ZFYVE1: variants seen among roughly 807,000 people sequenced by gnomAD.
ZFYVE1 encodes zinc finger FYVE-type containing 1.
A neutral mutation model predicts 74.4 loss-of-function variants in ZFYVE1; 30 were observed. That is an observed-to-expected ratio of 0.40 (90% CI 0.30 to 0.55). The LOEUF (loss-of-function observed/expected upper bound fraction) is 0.55, where lower values mean the gene tolerates loss of function less well. Among genes scored for constraint, ZFYVE1 ranks in the 20% least tolerant of loss-of-function variants. The pLI is 0.42. For synonymous variants in ZFYVE1, 335 were observed against 385.1 expected (o/e 0.87, Z 1.52); for missense variants, 703 against 1,011.6 (o/e 0.69, Z 4.14).
chr14:73,001,178 GTT>G (rs753719695), intron 2 of ZFYVE1, among the ~76,000 whole-genome samples: 1 of 151,880 alleles, frequency 6.6e-6, no homozygotes, highest in African/African-American at 2.4e-5. Context: ...AGTATTGGTT[GTT>G]TTTTTCTTTT....
chr14:73,020,907 T>A (rs1894305427), intron 2 of ZFYVE1, among the ~76,000 whole-genome samples: 1 of 152,132 alleles, frequency 6.6e-6, no homozygotes, highest in African/African-American at 2.4e-5. Context: ...CTACTTTTTT[T>A]ATTTTCATTA....
chr14:73,006,039 A>G (rs1323460239), intron 2 of ZFYVE1, among the ~76,000 whole-genome samples: 1 of 151,860 alleles, frequency 6.6e-6, no homozygotes, highest in Non-Finnish European at 1.5e-5. Flanking sequence ...CTCCTGCCTC[A>G]GCCTTTGGAG....
chr14:72,987,735 G>T (rs1165383421), intron 4 of ZFYVE1, among the ~76,000 whole-genome samples: 1 of 152,202 alleles, frequency 6.6e-6, no homozygotes, highest in African/African-American at 2.4e-5. Flanking sequence ...CTGCAAGCAG[G>T]TTTATCTGCT....
chr14:72,992,256 C>A (rs565069200), intron 4 of ZFYVE1, among the ~76,000 whole-genome samples: 1 of 152,150 alleles, frequency 6.6e-6, no homozygotes, highest in Non-Finnish European at 1.5e-5. Flanking sequence ...AGTCTCAGAA[C>A]CTTCCATGCG....
At chr14:72,983,091 C>T (rs1383840848) in intron 4 of ZFYVE1, among the ~76,000 whole-genome samples, 3 of 152,112 alleles carry the variant, frequency 2.0e-5, no homozygotes, top group Admixed American at 6.5e-5. Flanking sequence ...GTGATCCACC[C>T]GCCTCGGCCT....
chr14:73,022,178 A>G (rs573230698), intron 2 of ZFYVE1, among the ~76,000 whole-genome samples: 1 of 152,354 alleles, frequency 6.6e-6, no homozygotes, highest in Admixed American at 6.5e-5. Context: ...GACAAGGGAC[A>G]TGGAATGGGA....
chr14:73,010,684 C>T (rs553571168), intron 2 of ZFYVE1, among the ~76,000 whole-genome samples: 1 of 145,486 alleles, frequency 6.9e-6, no homozygotes, highest in Non-Finnish European at 1.5e-5. Flanking sequence ...GCAGGAGAAT[C>T]GCTTGAACCG....
chr14:72,987,250 A>G (rs1267182320), intron 4 of ZFYVE1, among the ~76,000 whole-genome samples: 1 of 152,190 alleles, frequency 6.6e-6, no homozygotes, highest in African/African-American at 2.4e-5. Flanking sequence ...GAGTTTCTAC[A>G]TTTAGAGCTC....
chr14:72,991,838 T>C (rs1050703017), intron 4 of ZFYVE1, among the ~76,000 whole-genome samples: 2 of 152,166 alleles, frequency 1.3e-5, no homozygotes, highest in East Asian at 1.9e-4. Flanking sequence ...ATTTTTACTA[T>C]ATAACAAGTA....
In ZFYVE1 at chr14:72,969,773, A is replaced by G. The variant is rs1208690018; in HGVS notation, c.*1109T>C. 1.4e-6 allele frequency: 1 copy of G among 701,888 alleles called. No homozygotes were observed. Among genetic ancestry groups the G allele is most frequent in the South Asian group, 1.5e-5 (1 of 67,418 alleles). The allele number at this position is 701,888 out of a possible 1,614,324, so 43.5% of individuals were successfully genotyped here. ...ATGTCCAGGCTCTTGAGGAGAAACA[A>G]AAGTTCCTTTGACTTCTCTTGCAAG... On this transcript the variant is annotated 3_prime_UTR_variant, in exon 12 of 12. Coordinates refer to ENST00000556143, the MANE Select transcript of ZFYVE1 (RefSeq NM_021260.4).
intron 2 of ZFYVE1, among the ~76,000 whole-genome samples, chr14:73,006,297 G>A (rs1458139207): frequency 2.6e-5 from 4 of 151,934 alleles, no homozygotes; most frequent in African/African-American, 9.7e-5. Context: ...TTACGAGGCT[G>A]GGCGTGGTGG....
chr14:72,991,495 G>A (rs1028940729), intron 4 of ZFYVE1, among the ~76,000 whole-genome samples: 12 of 151,942 alleles, frequency 7.9e-5, no homozygotes, highest in Admixed American at 2.6e-4. Flanking sequence ...GGCCCCTGAT[G>A]GTCTTACTTA....
At chr14:72,973,583 T>A (rs1388430292) in intron 11 of ZFYVE1, among the ~76,000 whole-genome samples, 1 of 152,092 alleles carries the variant, frequency 6.6e-6, no homozygotes, top group African/African-American at 2.4e-5. Flanking sequence ...CTGACATCAT[T>A]TAAGAAGTGC....
intron 2 of ZFYVE1, among the ~76,000 whole-genome samples, chr14:73,004,190 G>A (rs1040475949): frequency 6.6e-6 from 1 of 152,112 alleles, no homozygotes; most frequent in African/African-American, 2.4e-5. Flanking sequence ...CAAAACAAAA[G>A]CTCCGTAAAG....
At chr14:72,977,691 A>G (rs1402529425) in intron 8 of ZFYVE1, among the ~76,000 whole-genome samples, 1 of 152,194 alleles carries the variant, frequency 6.6e-6, no homozygotes, top group Non-Finnish European at 1.5e-5. Context: ...AAGGAGTAAA[A>G]CTATAGATTT....
At chr14:72,999,862 C>G (rs1403811128) in intron 2 of ZFYVE1, among the ~76,000 whole-genome samples, 1 of 152,188 alleles carries the variant, frequency 6.6e-6, no homozygotes. Context: ...GAGTTCGAGA[C>G]CAGCCTGGCC....
intron 4 of ZFYVE1, among the ~76,000 whole-genome samples, chr14:72,986,563 C>CTTTTTTT (rs751115992): frequency 0.022 from 2,990 of 136,630 alleles, 51 homozygotes; most frequent in Non-Finnish European, 0.038. Flanking sequence ...TCAGCTTTTC[C>CTTTTTTT]TTTTTTTTTT....
At chr14:72,977,322 C>G (rs1325567743) in intron 8 of ZFYVE1, among the ~76,000 whole-genome samples, 4 of 152,078 alleles carry the variant, frequency 2.6e-5, no homozygotes, top group Non-Finnish European at 4.4e-5. Context: ...AGGAGAATCA[C>G]TTGAACCCGG....
At chr14:73,009,774 A>T (rs1894051159) in intron 2 of ZFYVE1, among the ~76,000 whole-genome samples, 2 of 151,702 alleles carry the variant, frequency 1.3e-5, no homozygotes, top group Admixed American at 1.3e-4. Context: ...ACAAAACAAA[A>T]CTCTCCTTTG....
Sources: allele counts gnomAD v4.1 joint callset (sites outside exome capture counted in the v4.1 genomes callset), GRCh38; gene constraint gnomAD v4.1.1; transcripts MANE v1.5; gene names NCBI Gene and HGNC (gene_info 2026-07-23, HGNC 2026-07-21).